Variants in IFT81 observed in about 807,000 individuals in gnomAD.
The protein encoded by IFT81 is intraflagellar transport 81, also known as intraflagellar transport protein 81 homolog.
In IFT81, 72 loss-of-function variants were observed where a neutral mutation model predicts 102.6. The ratio of observed to expected loss-of-function variants is 0.70; its 90% confidence interval spans 0.58 to 0.85. IFT81 has a LOEUF of 0.85. Among genes scored for constraint, IFT81 ranks in the 40% least tolerant of loss-of-function variants. The pLI, the probability that IFT81 is intolerant of heterozygous loss-of-function variation, is 0.00. For missense variants in IFT81, 723 were observed against 787.3 expected, an observed-to-expected ratio of 0.92 and a Z score of 0.98; for synonymous variants, 237 against 242.7, an observed-to-expected ratio of 0.98 and a Z score of 0.22.
At chr12:110,207,301 C>A (rs1214134738) in intron 17 of IFT81, among the ~76,000 whole-genome samples, 2 of 151,994 alleles carry the variant, frequency 1.3e-5, no homozygotes, top group Non-Finnish European at 1.5e-5. Context: ...CTCAAGTGAA[C>A]CACCCTCCTC....
intron 8 of IFT81, among the ~76,000 whole-genome samples, chr12:110,139,809 A>AAAATAAAAT (rs1217427483): frequency 2.8e-5 from 4 of 141,078 alleles, no homozygotes; most frequent in African/African-American, 8.5e-5. Context: ...ACAATAAAAT[A>AAAATAAAAT]AAATAAAATA....
At chr12:110,216,667 T>A (rs191389501) in intron 18 of IFT81, 1 of 436,124 alleles carries the variant, frequency 2.3e-6, no homozygotes, top group African/African-American at 2.0e-5. Context: ...CATGCCACCA[T>A]GTCCGGCTAA....
Position 110,131,237 on chromosome 12 carries a change from C to T in IFT81, c.430-1310C>T, listed in dbSNP as rs777987788. 4.3e-4 allele frequency among the ~76,000 whole-genome samples: 66 copies of T among 151,846 alleles called. 1 individual carries two copies. The highest frequency in any genetic ancestry group is 1.2e-3 in the African/African-American group (51 of 41,312). On this transcript the variant is annotated intron_variant, in intron 4 of 18. Coordinates refer to ENST00000242591, the MANE Select transcript of IFT81 (RefSeq NM_014055.4). Reference sequence around the variant, plus strand: ...GGTCGAGGCTGCAATGAGCTGTGATCGCACCACTGCACTCCAGCCAGGGTG... The same window carrying T: ...GGTCGAGGCTGCAATGAGCTGTGATTGCACCACTGCACTCCAGCCAGGGTG...
chr12:110,179,582 C>T (rs900338709), intron 11 of IFT81, among the ~76,000 whole-genome samples: 5 of 150,526 alleles, frequency 3.3e-5, no homozygotes, highest in South Asian at 4.2e-4. Flanking sequence ...ATTAGCCAGG[C>T]GTGGTGCTCT....
intron 10 of IFT81, 112 bp downstream of exon 10, chr12:110,147,160 C>A: frequency 4.1e-6 from 3 of 739,168 alleles, no homozygotes; most frequent in Non-Finnish European, 6.2e-6. Context: ...AAATGTTGTT[C>A]TGTCACTGCT....
chr12:110,139,350 A>G (rs1894707806), intron 8 of IFT81, among the ~76,000 whole-genome samples: 3 of 150,788 alleles, frequency 2.0e-5, no homozygotes, highest in East Asian at 1.9e-4. Flanking sequence ...AAAAAAAAAA[A>G]AAAAAGAAAA....
intron 9 of IFT81, among the ~76,000 whole-genome samples, chr12:110,144,007 CT>C (rs536525073): frequency 0.026 from 3,234 of 123,070 alleles, 24 homozygotes; most frequent in South Asian, 0.05. Flanking sequence ...CAGGTTATAC[CT>C]TTTTTTTTTT....
At chr12:110,147,178 A>T in intron 10 of IFT81, 130 bp downstream of exon 10, 1 of 594,984 alleles carries the variant, frequency 1.7e-6, no homozygotes, top group East Asian at 3.3e-5. Flanking sequence ...GCTAATCTCC[A>T]TAGTATATCA....
chr12:110,216,323 A>AGGAC (rs949577174), intron 18 of IFT81, among the ~76,000 whole-genome samples: 23 of 151,784 alleles, frequency 1.5e-4, no homozygotes, highest in Admixed American at 1.4e-3. Context: ...CCAACTAGCT[A>AGGAC]GGACTACAGG....
At chr12:110,153,764 C>T (rs1895677245) in intron 10 of IFT81, among the ~76,000 whole-genome samples, 2 of 151,332 alleles carry the variant, frequency 1.3e-5, no homozygotes, top group African/African-American at 4.9e-5. Flanking sequence ...GCATGCACCA[C>T]CATGCCAGCT....
At chr12:110,139,818 T>A (rs868225207) in intron 8 of IFT81, among the ~76,000 whole-genome samples, 8 of 105,508 alleles carry the variant, frequency 7.6e-5, no homozygotes, top group African/African-American at 2.9e-4. Flanking sequence ...TAAAATAAAA[T>A]AAATAAAATA....
intron 11 of IFT81, among the ~76,000 whole-genome samples, chr12:110,164,368 C>A (rs10492229): frequency 1.3e-5 from 2 of 151,848 alleles, no homozygotes; most frequent in Non-Finnish European, 2.9e-5. Context: ...AGTCAAATAT[C>A]TTAGTTTAGT....
chr12:110,132,841 C>T (rs940721829), intron 5 of IFT81, among the ~76,000 whole-genome samples: 3 of 152,068 alleles, frequency 2.0e-5, no homozygotes, highest in African/African-American at 2.4e-5. Flanking sequence ...TAGTTACTTA[C>T]AGTACGGAAG....
At chr12:110,204,238 T>C (rs1300016670) in intron 15 of IFT81, 5 of 299,656 alleles carry the variant, frequency 1.7e-5, no homozygotes, top group Admixed American at 4.8e-5. Flanking sequence ...GATCTTTATT[T>C]CTTTAATTTG....
chr12:110,148,284 C>T (rs1317215324), intron 10 of IFT81, among the ~76,000 whole-genome samples: 1 of 151,780 alleles, frequency 6.6e-6, no homozygotes, highest in African/African-American at 2.4e-5. Context: ...GAACTAGGAG[C>T]TTGAACAGAT....
At chr12:110,126,714 T>TGGG (rs1893865127) in intron 1 of IFT81, among the ~76,000 whole-genome samples, 1 of 152,110 alleles carries the variant, frequency 6.6e-6, no homozygotes, top group Non-Finnish European at 1.5e-5. Flanking sequence ...TGATTTGGAA[T>TGGG]GGGGAGAGGT....
At chr12:110,216,876 AG>A in intron 18 of IFT81, 1 of 289,466 alleles carries the variant, frequency 3.5e-6, no homozygotes, top group East Asian at 1.1e-4. Flanking sequence ...ATTAGGTTTT[AG>A]TATATAGAAT....
At chr12:110,136,576 C>T (rs530562049) in intron 7 of IFT81, among the ~76,000 whole-genome samples, 200 bp from the exon 8 acceptor site, 3 of 152,218 alleles carry the variant, frequency 2.0e-5, no homozygotes, top group African/African-American at 7.2e-5. Flanking sequence ...TTTGTGAAAA[C>T]TTCCTTAAAA....
chr12:110,207,164 G>A (rs1868747596), intron 17 of IFT81, among the ~76,000 whole-genome samples: 1 of 152,054 alleles, frequency 6.6e-6, no homozygotes, highest in Non-Finnish European at 1.5e-5. Flanking sequence ...CCAAGTAGCT[G>A]GGATTACAGG....
Sources: allele counts gnomAD v4.1 joint callset (sites outside exome capture counted in the v4.1 genomes callset), GRCh38; gene constraint gnomAD v4.1.1; transcripts MANE v1.5; gene names NCBI Gene and HGNC (gene_info 2026-07-23, HGNC 2026-07-21).